The following EIF2D variants were observed in gnomAD, a reference collection of about 807,000 sequenced individuals.
The protein encoded by EIF2D is eukaryotic translation initiation factor 2D, also known as hepatocellular carcinoma-associated antigen 56.
In EIF2D, 56 loss-of-function variants were observed where a neutral mutation model predicts 77.4. The observed-to-expected ratio is 0.72, with a 90% CI of 0.58 to 0.90. The LOEUF is 0.90. EIF2D is among the 40% of genes least tolerant of loss of function. The pLI, the probability that EIF2D is intolerant of heterozygous loss-of-function variation, is 0.00. For synonymous variants in EIF2D, 230 were observed against 271.0 expected (o/e 0.85, Z 1.49); for missense variants, 574 against 706.5 (o/e 0.81, Z 2.13).
rs1412785831 is a variant in EIF2D at position 206,579,678 on chromosome 1, G to A, written c.*254+1014C>T. ...ACTAGGAGATTTTTAAAATTCCCATGCCCAGACTGCACCCCAGACCAATTA... is the reference window on the plus strand; with the variant it reads ...ACTAGGAGATTTTTAAAATTCCCATACCCAGACTGCACCCCAGACCAATTA... On this transcript the variant is annotated intron_variant and NMD_transcript_variant, in intron 4 of 5. Transcript: ENST00000472709. The surrounding 1 kb of genome is among the most constrained non-coding windows in gnomAD (Gnocchi z 4.2). Among the ~76,000 whole-genome samples the A allele has an allele frequency of 1.3e-5, 2 of 152,184 alleles. No individual in the cohort carries two copies. The highest frequency in any genetic ancestry group is 4.8e-5 in the African/African-American group (2 of 41,436).
chr1:206,605,532 A>G, intron 4 of EIF2D, 25 bp from the exon 5 acceptor site: 2 of 1,596,708 alleles, frequency 1.3e-6, no homozygotes, highest in Non-Finnish European at 1.7e-6. Flanking sequence ...GCCAGAGACC[A>G]GGGTCATGGA....
chr1:206,603,076 A>G lies in EIF2D; in HGVS notation c.659T>C (p.Leu220Pro). The change falls in exon 6 of 15, where the codon CTG becomes CCG. Residue 220 changes from leucine to proline, a missense_variant. Coordinates refer to ENST00000271764, the MANE Select transcript of EIF2D (RefSeq NM_006893.3). ...TLQGDMRHMT[L>P]EGEEENGEVH... Reference sequence around the variant, plus strand: ...CTCCCCATTCTCCTCTTCCCCCTCCAGGGTCATGTGCCTCATGTCTCCCTG... The same window carrying G: ...CTCCCCATTCTCCTCTTCCCCCTCCGGGGTCATGTGCCTCATGTCTCCCTG... 1 of 1,614,168 alleles carries G rather than the reference A, an allele frequency of 6.2e-7. No homozygotes were observed. Among genetic ancestry groups the G allele is most frequent in the Non-Finnish European group, 8.5e-7 (1 of 1,180,026 alleles).
intron 4 of EIF2D, among the ~76,000 whole-genome samples, chr1:206,574,907 T>A (rs1337580272): frequency 2.7e-5 from 4 of 145,590 alleles, no homozygotes; most frequent in African/African-American, 7.6e-5. Flanking sequence ...TCATCCAGGC[T>A]GGAGTGCAGT....
intron 2 of EIF2D, 119 bp downstream of exon 2, chr1:206,611,065 T>G: frequency 2.3e-6 from 2 of 881,948 alleles, no homozygotes; most frequent in Non-Finnish European, 1.7e-6. Context: ...TCCTTGGGGA[T>G]GGTATTGGGA....
chr1:206,589,839 T>G (rs1669285263), downstream of EIF2D, among the ~76,000 whole-genome samples: 1 of 152,176 alleles, frequency 6.6e-6, no homozygotes, highest in African/African-American at 2.4e-5. Flanking sequence ...CCAGTATTGA[T>G]CACATAGAAT....
At position 206,579,339 on chromosome 1, in the gene EIF2D, C is replaced by G. The variant is rs551210620; in HGVS notation, c.*254+1353G>C. Among the ~76,000 whole-genome samples the G allele has an allele frequency of 6.4e-4, 97 of 152,348 alleles. No individual in the cohort carries two copies. In the South Asian group the frequency reaches 6.4e-3, roughly 10 times the overall value. ...TTAAATCATAACAGAGTTCCCTATT[C>G]TGTCTCTATCTTGGGCCACCCCAAG... On this transcript the variant is annotated intron_variant and NMD_transcript_variant, in intron 4 of 5. Transcript: ENST00000472709. This position sits in a 1 kb window ranked among gnomAD's most constrained non-coding sequence, Gnocchi z 4.2.
At chr1:206,576,560 T>C (rs565340062) in intron 4 of EIF2D, among the ~76,000 whole-genome samples, 1 of 152,326 alleles carries the variant, frequency 6.6e-6, no homozygotes, top group South Asian at 2.1e-4. Context: ...ATAGGAAGTA[T>C]GATTCAGGAG....
chr1:206,597,888 T>C lies in EIF2D; in HGVS notation c.1293-693A>G, dbSNP rs1200701954. ...TGAACCTGGGAGGCAGAGGTTGCAG[T>C]GAGCACAGATTGTACCATTGCACTC... is the stretch of plus-strand genomic sequence containing the variant. On this transcript the variant is annotated intron_variant, in intron 11 of 14. Transcript: ENST00000271764. Among the ~76,000 whole-genome samples the C allele has an allele frequency of 6.6e-5, 10 of 152,252 alleles. No homozygotes were observed. The East Asian group carries it at 1.5e-3, about 24-fold the overall frequency.
At chr1:206,602,222 T>C in intron 7 of EIF2D, 114 bp downstream of exon 7, 1 of 761,518 alleles carries the variant, frequency 1.3e-6, no homozygotes, top group Admixed American at 2.3e-5. Context: ...CCTCCACTCT[T>C]TCCACAGCAT....
downstream of EIF2D, among the ~76,000 whole-genome samples, chr1:206,570,078 CTTTTTT>C (rs375900760): frequency 3.4e-5 from 4 of 119,378 alleles, no homozygotes; most frequent in Admixed American, 1.8e-4. Flanking sequence ...TAAAATTTAC[CTTTTTT>C]TTTTTTTTTT....
chr1:206,603,849 C>T (rs1442367212), intron 5 of EIF2D, among the ~76,000 whole-genome samples: 3 of 152,234 alleles, frequency 2.0e-5, no homozygotes, highest in African/African-American at 7.2e-5. Flanking sequence ...GCAAATCAAA[C>T]TAAGTTTTAA....
chr1:206,586,940 G>C (rs1448051673), downstream of EIF2D: 1 of 1,614,190 alleles, frequency 6.2e-7, no homozygotes, highest in Non-Finnish European at 8.5e-7. Flanking sequence ...GCAGAAACTG[G>C]AGGAGGCCTT....
intron 2 of EIF2D, among the ~76,000 whole-genome samples, chr1:206,582,759 G>T (rs1357141595): frequency 6.6e-6 from 1 of 152,212 alleles, no homozygotes; most frequent in African/African-American, 2.4e-5. Flanking sequence ...GGATCTAAGA[G>T]AATTCTTGTC....
rs2102275843 is a variant in EIF2D at position 206,593,708 on chromosome 1, G to A, written c.1595C>T (p.Thr532Ile). Residue 532 changes from threonine to isoleucine, a missense_variant, in exon 14 of 15, where the codon ACC becomes ATC. Physicochemically the swap from Thr to Ile is moderately conservative, Grantham distance 89. Transcript: ENST00000271764. ...AILQQRCQAS[T>I]TVNPAPGAKD... is the part of the protein sequence containing the mutation. ...GGCCCCAGGGGCAGGATTGACGGTG[G>A]TGCTAGCCTGGCATCGCTGCTGAAG... 1.2e-6 allele frequency: 2 copies of A among 1,614,002 alleles called. No individual in the cohort carries two copies. The highest frequency in any genetic ancestry group is 8.5e-7 in the Non-Finnish European group (1 of 1,179,980).
intron 2 of EIF2D, among the ~76,000 whole-genome samples, chr1:206,582,953 T>C (rs1223674234): frequency 1.3e-5 from 2 of 152,180 alleles, no homozygotes; most frequent in South Asian, 2.1e-4. Context: ...ACCAGATTCA[T>C]AGTCAGTGCC....
chr1:206,602,363 A>T lies in EIF2D; in HGVS notation c.875T>A (p.Phe292Tyr), dbSNP rs1393049402. The T allele has an allele frequency of 6.2e-7, 1 of 1,614,116 alleles. No homozygotes were observed. The highest frequency in any genetic ancestry group is 2.2e-5 in the East Asian group (1 of 44,896). ...GCAGGAGAACATGTGGCTGCCAAGGAAAGTGCTGGTGAGTAAAGGGAGGTC... is the reference window on the plus strand; with the variant it reads ...GCAGGAGAACATGTGGCTGCCAAGGTAAGTGCTGGTGAGTAAAGGGAGGTC... ...KADLPLLTST[F>Y]LGSHMFSCCP... The change falls in exon 7 of 15, where the codon TTC becomes TAC. Residue 292 changes from phenylalanine (F) to tyrosine (Y), a missense_variant. Physicochemically the swap from Phe to Tyr is conservative, Grantham distance 22. Coordinates refer to ENST00000271764, the MANE Select transcript of EIF2D (RefSeq NM_006893.3).
At position 206,599,773 on chromosome 1, in the gene EIF2D, CT is replaced by C; in HGVS notation, c.1011del (p.Val339TrpfsTer43). ...TCCACAGCCACAATGCTCTCCACCC[CT>C]TTGCTCAGCTCCTTCACCTGTATAA... ...EQIIQVKELS[K>X]GVESIVAVDW... is the part of the protein sequence containing the mutation. On this transcript the variant is annotated frameshift_variant, in exon 9 of 15. Transcript: ENST00000271764. LOFTEE classifies it high-confidence loss of function. This position sits in a 1 kb window ranked among gnomAD's most constrained non-coding sequence, Gnocchi z 4.1. 6.2e-7 allele frequency: 1 copy of C among 1,614,198 alleles called. No homozygotes were observed. The highest frequency in any genetic ancestry group is 8.5e-7 in the Non-Finnish European group (1 of 1,180,030).
chr1:206,583,554 C>G (rs1195417628), intron 2 of EIF2D: 2 of 595,916 alleles, frequency 3.4e-6, no homozygotes, highest in Non-Finnish European at 3.0e-6. Context: ...TCAGTGGCCT[C>G]CATGTGCTTT....
Position 206,584,503 on chromosome 1 carries a change from C to G in EIF2D, c.139-3341G>C, listed in dbSNP as rs782184864. 1 of 1,614,088 alleles carries G rather than the reference C, an allele frequency of 6.2e-7. No individual in the cohort carries two copies. The highest frequency in any genetic ancestry group is 1.1e-5 in the South Asian group (1 of 91,076). On this transcript the variant is annotated intron_variant and NMD_transcript_variant, in intron 2 of 5. Transcript: ENST00000472709. The surrounding 1 kb of genome is among the most constrained non-coding windows in gnomAD (Gnocchi z 4.9). ...TCTATGATGCCATCAAGGAGGTGAA[C>G]CTGGCGGCTACCACGGACAAGCGGA...
Sources: gnomAD v4.1 joint callset for allele counts (sites outside exome capture counted in the v4.1 genomes callset) on GRCh38, gnomAD v4.1.1 for gene constraint, Gnocchi (gnomAD v3.1) non-coding constraint, MANE v1.5 for transcripts, NCBI Gene and HGNC (gene_info 2026-07-23, HGNC 2026-07-21) for gene names.